Variants in UNC13C observed in about 807,000 individuals in gnomAD.
UNC13C encodes the protein protein unc-13 homolog C.
A neutral mutation model predicts 245.4 loss-of-function variants in UNC13C; 174 were observed. That is an observed-to-expected ratio of 0.71 (90% CI 0.63 to 0.80). The LOEUF (loss-of-function observed/expected upper bound fraction) is 0.80, where lower values mean the gene tolerates loss of function less well. Ranked by LOEUF, UNC13C falls within the 30% of genes least tolerant of loss-of-function variation. The pLI is 0.00. For missense variants in UNC13C, 2,829 were observed against 2,602.9 expected, an observed-to-expected ratio of 1.09 and a Z score of -1.89; for synonymous variants, 992 against 895.1, an observed-to-expected ratio of 1.11 and a Z score of -1.93.
At chr15:54,147,209 G>C (rs990563392) in intron 4 of UNC13C, among the ~76,000 whole-genome samples, 1 of 128,358 alleles carries the variant, frequency 7.8e-6, no homozygotes, top group African/African-American at 2.9e-5. Context: ...GCATCAATTT[G>C]ATGAAACTAC....
the UNC13C span, among the ~76,000 whole-genome samples, chr15:53,931,734 G>T: frequency 6.6e-6 from 1 of 152,160 alleles, no homozygotes; most frequent in South Asian, 2.1e-4. Context: ...CTCTTAAAAA[G>T]GGGTGAAATC....
chr15:54,535,342 C>T (rs1221781138), intron 26 of UNC13C, among the ~76,000 whole-genome samples: 2 of 152,108 alleles, frequency 1.3e-5, no homozygotes, highest in Non-Finnish European at 2.9e-5. Flanking sequence ...ATCCACCTAA[C>T]ACTGGAGTAT....
intron 2 of UNC13C, among the ~76,000 whole-genome samples, chr15:54,024,928 T>C (rs1393664695): frequency 8.5e-6 from 1 of 117,872 alleles, no homozygotes; most frequent in Non-Finnish European, 2.0e-5. Flanking sequence ...AAATAAAAAA[T>C]AAAAAATAAT....
chr15:54,141,934 T>C (rs545134886), intron 2 of UNC13C, among the ~76,000 whole-genome samples: 1 of 152,248 alleles, frequency 6.6e-6, no homozygotes, highest in East Asian at 1.9e-4. Flanking sequence ...GTAAGGGTCA[T>C]CATTGAGCTA....
the UNC13C span, among the ~76,000 whole-genome samples, chr15:53,959,039 T>G: frequency 6.6e-6 from 1 of 152,278 alleles, no homozygotes; most frequent in East Asian, 1.9e-4. Context: ...TAGGCGAGAA[T>G]GTGAAATATT....
At chr15:54,430,232 C>T (rs892822517) in intron 19 of UNC13C, among the ~76,000 whole-genome samples, 1 of 151,544 alleles carries the variant, frequency 6.6e-6, no homozygotes, top group Non-Finnish European at 1.5e-5. Context: ...AATTTTTGTA[C>T]CACTTACGGT....
intron 2 of UNC13C, among the ~76,000 whole-genome samples, chr15:54,112,706 G>C (rs1042172920): frequency 6.6e-6 from 1 of 152,150 alleles, no homozygotes; most frequent in Non-Finnish European, 1.5e-5. Flanking sequence ...TTTTGGTGCT[G>C]CTTTTTATAA....
intron 17 of UNC13C, among the ~76,000 whole-genome samples, chr15:54,378,581 C>T (rs941364014): frequency 1.3e-5 from 2 of 151,306 alleles, no homozygotes; most frequent in South Asian, 2.1e-4. Context: ...ATATATTCTA[C>T]ACATACACTT....
chr15:54,342,478 G>A (rs148368242), intron 17 of UNC13C, among the ~76,000 whole-genome samples: 16 of 151,934 alleles, frequency 1.1e-4, no homozygotes, highest in African/African-American at 3.4e-4. Context: ...GGTGGTTAGA[G>A]TGAGTCCAGG....
At chr15:54,455,891 A>C (rs1891495337) in intron 19 of UNC13C, among the ~76,000 whole-genome samples, 1 of 152,010 alleles carries the variant, frequency 6.6e-6, no homozygotes, top group African/African-American at 2.4e-5. Flanking sequence ...CCATCTATAT[A>C]TCTTTGTTTT....
chr15:54,067,611 A>G (rs1332377916), intron 2 of UNC13C, among the ~76,000 whole-genome samples: 1 of 152,210 alleles, frequency 6.6e-6, no homozygotes, highest in Non-Finnish European at 1.5e-5. Flanking sequence ...TGCAGTTTAC[A>G]GTTTCGATAG....
chr15:54,401,593 TA>T (rs1383142918), intron 18 of UNC13C, among the ~76,000 whole-genome samples: 5 of 152,130 alleles, frequency 3.3e-5, no homozygotes, highest in African/African-American at 4.8e-5. Flanking sequence ...GAATGAAGTA[TA>T]AACAGGAACG....
chr15:54,281,245 T>C (rs1274522346), intron 10 of UNC13C, among the ~76,000 whole-genome samples: 4 of 152,214 alleles, frequency 2.6e-5, no homozygotes, highest in Non-Finnish European at 1.5e-5. Context: ...AATTCACTCA[T>C]TGTTACTAGT....
At chr15:54,200,003 AT>A (rs1309127323) in intron 4 of UNC13C, among the ~76,000 whole-genome samples, 1 of 152,160 alleles carries the variant, frequency 6.6e-6, no homozygotes, top group African/African-American at 2.4e-5. Context: ...TTCCATGCAA[AT>A]GGACACCAAA....
At chr15:54,064,604 T>C (rs1226244811) in intron 2 of UNC13C, among the ~76,000 whole-genome samples, 1 of 152,178 alleles carries the variant, frequency 6.6e-6, no homozygotes, top group African/African-American at 2.4e-5. Flanking sequence ...AATGGACATA[T>C]TCCAAATATA....
At chr15:53,847,799 A>G in the UNC13C span, among the ~76,000 whole-genome samples, 1 of 152,148 alleles carries the variant, frequency 6.6e-6, no homozygotes, top group Non-Finnish European at 1.5e-5. Flanking sequence ...AACATGCACC[A>G]TTGTGATAAG....
the UNC13C span, among the ~76,000 whole-genome samples, chr15:53,908,611 C>A: frequency 1.4e-5 from 2 of 144,248 alleles, no homozygotes; most frequent in African/African-American, 4.9e-5. Context: ...CATACAAACC[C>A]AGGCATGGTG....
intron 17 of UNC13C, among the ~76,000 whole-genome samples, chr15:54,351,870 C>T (rs186862675): frequency 3.3e-4 from 50 of 152,072 alleles, no homozygotes; most frequent in African/African-American, 1.2e-3. Flanking sequence ...ACTCAGTAGC[C>T]ACTGTTTTCT....
In UNC13C at chr15:54,483,934, A is replaced by G. The variant is rs1424361081; in HGVS notation, c.4934-10674A>G. Among the ~76,000 whole-genome samples the G allele has an allele frequency of 3.5e-5, 5 of 144,664 alleles. No homozygotes were observed. The East Asian group carries it at 1.1e-3, about 32-fold the overall frequency. 94.9% of individuals were successfully genotyped at this position (144,664 alleles called of 152,430 possible). On this transcript the variant is annotated intron_variant, in intron 19 of 32. Coordinates refer to ENST00000260323, the MANE Select transcript of UNC13C (RefSeq NM_001080534.3). Reference sequence around the variant, plus strand: ...CACACATATTCACGGAACATACACAAACACACACAGTACATACACACACAC... The same window carrying G: ...CACACATATTCACGGAACATACACAGACACACACAGTACATACACACACAC...
Sources: gnomAD v4.1 joint callset for allele counts (sites outside exome capture counted in the v4.1 genomes callset) on GRCh38, gnomAD v4.1.1 for gene constraint, MANE v1.5 for transcripts, NCBI Gene and HGNC (gene_info 2026-07-23, HGNC 2026-07-21) for gene names.